Variants in PAX9 observed in about 807,000 individuals in gnomAD.
The protein encoded by PAX9 is paired box protein Pax-9.
In PAX9, 6 loss-of-function variants were observed where a neutral mutation model predicts 29.1. The ratio of observed to expected loss-of-function variants is 0.21; its 90% CI spans 0.11 to 0.41. PAX9 has a LOEUF of 0.41. PAX9 is among the 10% of genes least tolerant of loss of function. PAX9 has a pLI of 1.00. For synonymous variants in PAX9, 217 were observed against 211.7 expected (o/e 1.03, Z -0.22); for missense variants, 443 against 479.1 (o/e 0.92, Z 0.70).
intron 2 of PAX9, among the ~76,000 whole-genome samples, chr14:36,663,968 G>A (rs2139109538): frequency 6.6e-6 from 1 of 152,332 alleles, no homozygotes; most frequent in Non-Finnish European, 1.5e-5. Context: ...ACGGCCGGGA[G>A]AAGTCTGGCC....
intron 2 of PAX9, among the ~76,000 whole-genome samples, chr14:36,663,901 T>A (rs1566469124): frequency 6.6e-6 from 1 of 152,346 alleles, no homozygotes. Flanking sequence ...CCGAGCCTGC[T>A]TGGGGCTGCC....
chr14:36,667,611 TTTGTTCCTCTTA>T (rs1881555325), intron 3 of PAX9, among the ~76,000 whole-genome samples: 1 of 152,248 alleles, frequency 6.6e-6, no homozygotes, highest in African/African-American at 2.4e-5. Context: ...TTAAGTGGAA[TTTGTTCCTCTTA>T]TTCACTTGAA....
In PAX9 at chr14:36,666,529, C is replaced by T; in HGVS notation, c.699C>T (p.Phe233=). ...GGAGCAGCCTGGGCCGCAACAACTT[C>T]CCCGCCGCCGCCCCGCACGCGGTGA... ...EEWSSLGRNN[F]PAAAPHAVNG... is the part of the protein sequence containing the mutation. The change falls in exon 3 of 4, where the codon TTC becomes TTT. Residue 233 remains phenylalanine (F), a synonymous_variant. Coordinates refer to ENST00000361487, the MANE Select transcript of PAX9 (RefSeq NM_001372076.1). The T allele has an allele frequency of 3.1e-6, 5 of 1,598,256 alleles. No homozygotes were observed. Among genetic ancestry groups the T allele is most frequent in the Non-Finnish European group, 4.3e-6 (5 of 1,172,760 alleles).
intron 3 of PAX9, chr14:36,671,169 C>G (rs981229863): frequency 2.9e-6 from 1 of 341,228 alleles, no homozygotes; most frequent in African/African-American, 2.2e-5. Context: ...CATAAGAGGA[C>G]CAGGTTGAAC....
rs963265423 is a variant in PAX9, at chr14:36,678,958, T to C, written c.*2506T>C. The C allele has an allele frequency of 7.1e-6, 7 of 982,026 alleles. No individual in the cohort carries two copies. The highest frequency in any genetic ancestry group is 1.7e-5 in the African/African-American group (1 of 57,188). The allele number at this position is 982,026 out of a possible 1,614,324, so 60.8% of individuals were successfully genotyped here. On this transcript the variant is annotated 3_prime_UTR_variant, in exon 4 of 4. Coordinates refer to ENST00000361487, the MANE Select transcript of PAX9 (RefSeq NM_001372076.1). ...TTAAAGGGTTAACTTTTAAAGATTA[T>C]TATTGGTTAATGTTGACATATTTCC...
intron 1 of PAX9, chr14:36,662,686 C>G (rs1182840272): frequency 3.2e-6 from 2 of 620,114 alleles, no homozygotes; most frequent in Admixed American, 6.1e-5. Context: ...GCCTCCGGCA[C>G]GGCAGGAATG....
chr14:36,665,400 C>G (rs1032006905), intron 2 of PAX9, among the ~76,000 whole-genome samples: 5 of 152,092 alleles, frequency 3.3e-5, no homozygotes, highest in African/African-American at 1.2e-4. Context: ...TCTTTTAAAG[C>G]ACTGTGTTAG....
At position 36,672,852 on chromosome 14, in the gene PAX9, C is replaced by CTTTTTTTTTTTTTTT. The variant is rs3061562; in HGVS notation, c.772-3330_772-3316dup. ...TTCTTTTTTCTTTCTTTCTTTCTTC[C>CTTTTTTTTTTTTTTT]TTTTTTTTTTTTTTTTTTTTTTTTT... On this transcript the variant is annotated intron_variant, in intron 3 of 3. Coordinates refer to ENST00000361487, the MANE Select transcript of PAX9 (RefSeq NM_001372076.1). Among the ~76,000 whole-genome samples the CTTTTTTTTTTTTTTT allele has an allele frequency of 5.8e-3, 112 of 19,160 alleles. 45 individuals carry two copies. Among genetic ancestry groups the CTTTTTTTTTTTTTTT allele is most frequent in the East Asian group, 0.012 (5 of 408 alleles). 12.6% of individuals were successfully genotyped at this position (19,160 alleles called of 152,430 possible). A position where few individuals can be genotyped will look rare whatever the true frequency, so the allele number is the denominator to read the frequency against.
At chr14:36,662,394 C>G (rs17104892) in intron 1 of PAX9, among the ~76,000 whole-genome samples, 5,628 of 152,202 alleles carry the variant, frequency 0.037, 372 homozygotes, top group African/African-American at 0.13. Flanking sequence ...GTTTCACACG[C>G]GCGCACACAT....
intron 3 of PAX9, among the ~76,000 whole-genome samples, chr14:36,673,624 G>T (rs1281277909): frequency 6.6e-6 from 1 of 152,036 alleles, no homozygotes; most frequent in African/African-American, 2.4e-5. Context: ...AGTTCCAAGG[G>T]CAAAGGTGTA....
chr14:36,669,532 C>T (rs1031194337), intron 3 of PAX9, among the ~76,000 whole-genome samples: 1 of 151,954 alleles, frequency 6.6e-6, no homozygotes, highest in Non-Finnish European at 1.5e-5. Context: ...TTTTATTATA[C>T]AAAGAAGGAA....
chr14:36,659,439 A>G (rs1594463880), upstream of PAX9, among the ~76,000 whole-genome samples: 1 of 151,996 alleles, frequency 6.6e-6, no homozygotes, highest in African/African-American at 2.4e-5. Context: ...TTCTGCTGGG[A>G]TCCCGCTGAC....
In PAX9 at chr14:36,666,938, C is replaced by T. The variant is rs960807140; in HGVS notation, c.771+337C>T. Reference sequence around the variant, plus strand: ...GAGGCGGCTCCCGAAGCCCTTTCGGCGGCTCTCGTTGGGGGTAGAGTTAAC... The same window carrying T: ...GAGGCGGCTCCCGAAGCCCTTTCGGTGGCTCTCGTTGGGGGTAGAGTTAAC... On this transcript the variant is annotated intron_variant, in intron 3 of 3. Coordinates refer to ENST00000361487, the MANE Select transcript of PAX9 (RefSeq NM_001372076.1). Among the ~76,000 whole-genome samples the T allele has an allele frequency of 2.0e-5, 3 of 152,112 alleles. No individual in the cohort carries two copies. The South Asian group carries it at 6.2e-4, about 32-fold the overall frequency.
Position 36,678,280 on chromosome 14 carries a change from T to C in PAX9, c.*1828T>C. On this transcript the variant is annotated 3_prime_UTR_variant, in exon 4 of 4. Transcript: ENST00000361487. ...AAGCAGATTTCTGACACACAAATTA[T>C]GTTAGAGTGACTGCTTTTTTCAGAC... 1.7e-6 allele frequency: 1 copy of C among 582,870 alleles called. No homozygotes were observed. Among genetic ancestry groups the C allele is most frequent in the Non-Finnish European group, 3.1e-6 (1 of 327,010 alleles). The allele number at this position is 582,870 out of a possible 1,614,324, so 36.1% of individuals were successfully genotyped here. A position where few individuals can be genotyped will look rare whatever the true frequency, so the allele number is the denominator to read the frequency against.
chr14:36,668,793 A>G (rs868346014), intron 3 of PAX9, among the ~76,000 whole-genome samples: 3 of 152,330 alleles, frequency 2.0e-5, no homozygotes, highest in African/African-American at 4.8e-5. Context: ...ATTATTTAAA[A>G]TAAAAAATTT....
In PAX9 at chr14:36,676,740, C is replaced by G. The variant is rs767260010; in HGVS notation, c.*288C>G. On this transcript the variant is annotated 3_prime_UTR_variant, in exon 4 of 4. Coordinates refer to ENST00000361487, the MANE Select transcript of PAX9 (RefSeq NM_001372076.1). ...ATACTGTCTTAACATAACAAAGAAA[C>G]CTACACCCCTCAAAGGGTTTAAGGA... 37 of 458,924 alleles carry G rather than the reference C, an allele frequency of 8.1e-5. No individual in the cohort carries two copies. Among genetic ancestry groups the G allele is most frequent in the Non-Finnish European group, 1.4e-4 (36 of 248,884 alleles). The allele number at this position is 458,924 out of a possible 1,614,324, so 28.4% of individuals were successfully genotyped here.
intron 2 of PAX9, 141 bp downstream of exon 2, chr14:36,663,664 T>A: frequency 9.3e-7 from 1 of 1,072,142 alleles, no homozygotes; most frequent in Non-Finnish European, 1.4e-6. Context: ...GGAGTCTTCC[T>A]AGGGGGTGTT....
Position 36,663,167 on chromosome 14 carries a change from A to G in PAX9, c.275A>G (p.Gln92Arg). 1 of 1,614,068 alleles carries G rather than the reference A, an allele frequency of 6.2e-7. No homozygotes were observed. Among genetic ancestry groups the G allele is most frequent in the Non-Finnish European group, 8.5e-7 (1 of 1,180,038 alleles). The change falls in exon 2 of 4, where the codon CAG (glutamine) becomes CGG (arginine). Residue 92 changes from glutamine (Q) to arginine (R), a missense_variant. Gln to Arg is a conservative substitution (Grantham distance 43, BLOSUM62 1). Transcript: ENST00000361487. The stretch of plus-strand genomic sequence containing the variant: ...GTGAAACACATCCGGACCTACAAGC[A>G]GAGAGACCCCGGCATCTTCGCCTGG... ...TVVKHIRTYK[Q>R]RDPGIFAWEI...
intron 3 of PAX9, chr14:36,671,240 C>T (rs534543008): frequency 2.2e-5 from 5 of 223,472 alleles, no homozygotes; most frequent in East Asian, 2.9e-4. Flanking sequence ...TTTATCTTCA[C>T]GATAAATAAT....
Sources: gnomAD v4.1 joint callset for allele counts (sites outside exome capture counted in the v4.1 genomes callset) on GRCh38, gnomAD v4.1.1 for gene constraint, MANE v1.5 for transcripts, NCBI Gene and HGNC (gene_info 2026-07-23, HGNC 2026-07-21) for gene names.